Variants in CDH24 observed in about 807,000 individuals in gnomAD.
The protein encoded by CDH24 is cadherin 24.
In CDH24, 61 loss-of-function variants were observed where a neutral mutation model predicts 71.2. That is an observed-to-expected ratio of 0.86 (90% CI 0.70 to 1.06). The LOEUF is 1.06. CDH24 is among the 50% of genes least tolerant of loss of function. The pLI is 0.00. For missense variants in CDH24, 961 were observed against 1,083.7 expected (o/e 0.89, Z 1.59); for synonymous variants, 440 against 470.2 (o/e 0.94, Z 0.83).
Position 23,052,556 on chromosome 14 carries a change from T to A in CDH24, c.1280A>T (p.Glu427Val). The change falls in exon 8 of 13, where the codon GAG becomes GTG. Residue 427 changes from glutamate to valine, a missense_variant. By Grantham distance (121) the Glu-to-Val change is moderately radical. Around this residue, in one of 2 missense-constraint regions of CDH24, gnomAD observed 671 missense variants for 810.9 expected, o/e 0.83. Coordinates refer to ENST00000487137, the MANE Select transcript of CDH24 (RefSeq NM_144985.4). ...DPERCFSIQP[E>V]EGTIHTAAPL... ...TGCTGCTGTATGGATGGTGCCTTCC[T>A]CGGGCTGGATAGAGAAGCAACGCTC... The A allele has an allele frequency of 6.2e-7, 1 of 1,614,002 alleles. No individual in the cohort carries two copies. The highest frequency in any genetic ancestry group is 8.5e-7 in the Non-Finnish European group (1 of 1,179,972).
rs376464327 is a variant in CDH24, at chr14:23,054,094, G to T, written c.972+47C>A. On this transcript the variant is annotated intron_variant, in intron 6 of 12. Coordinates refer to ENST00000487137, the MANE Select transcript of CDH24 (RefSeq NM_144985.4). The surrounding 1 kb of genome is among the most constrained non-coding windows in gnomAD (Gnocchi z 5.2). ...CAGTTAAATATGTGCCCTGTGGGTC[G>T]GCAGGAGGCAGGTCTAAGAGAAAGC... is the stretch of plus-strand genomic sequence containing the variant. The T allele has an allele frequency of 6.6e-7, 1 of 1,519,146 alleles. No individual in the cohort carries two copies. Among genetic ancestry groups the T allele is most frequent in the Non-Finnish European group, 8.9e-7 (1 of 1,128,154 alleles). 94.1% of individuals were successfully genotyped at this position (1,519,146 alleles called of 1,614,324 possible).
rs1468140314 is a variant in CDH24 at position 23,055,063 on chromosome 14, A to G, written c.492T>C (p.Asn164=). Reference sequence around the variant, plus strand: ...ATTCAGAGCTGGGGTGCTCACCGACATTGGACATCTCGGGCACGGTGGCAT... The same window carrying G: ...ATTCAGAGCTGGGGTGCTCACCGACGTTGGACATCTCGGGCACGGTGGCAT... ...PYHATVPEMS[N]VGTSVIQVTA... The change falls in exon 3 of 13, where the codon AAT becomes AAC. Residue 164 remains asparagine, a synonymous_variant. Transcript: ENST00000487137. The surrounding 1 kb of genome is among the most constrained non-coding windows in gnomAD (Gnocchi z 4.1). 6.2e-7 allele frequency: 1 copy of G among 1,610,160 alleles called. No individual in the cohort carries two copies. The highest frequency in any genetic ancestry group is 1.1e-5 in the South Asian group (1 of 90,982).
Position 23,054,795 on chromosome 14 carries a change from A to T in CDH24, c.568T>A (p.Tyr190Asn), listed in dbSNP as rs1849359551. 1 of 1,614,012 alleles carries T rather than the reference A, an allele frequency of 6.2e-7. No homozygotes were observed. Among genetic ancestry groups the T allele is most frequent in the African/African-American group, 1.3e-5 (1 of 74,932 alleles). Residue 190 changes from tyrosine to asparagine, a missense_variant, in exon 4 of 13, where the codon TAC becomes AAC. By Grantham distance (143) the Tyr-to-Asn change is moderately radical. Around this residue, in one of 2 missense-constraint regions of CDH24, gnomAD observed 671 missense variants for 810.9 expected, o/e 0.83. Transcript: ENST00000487137. This position sits in a 1 kb window ranked among gnomAD's most constrained non-coding sequence, Gnocchi z 5.2. Reference protein sequence around the residue: ...PSYGNSAKLVYTVLDGLPFFS... With the variant: ...PSYGNSAKLVNTVLDGLPFFS... Reference sequence around the variant, plus strand: ...AAAGGCAGTCCATCCAGAACAGTGTACACCAGCTTGGCACTGTTCCCATAG... The same window carrying T: ...AAAGGCAGTCCATCCAGAACAGTGTTCACCAGCTTGGCACTGTTCCCATAG...
chr14:23,048,357 T>TGTCCTCCTCGCCGCCGCCCTCGTC lies in CDH24; in HGVS notation c.1945_1968dup (p.Asp649_Asp656dup). 1 of 1,611,952 alleles carries TGTCCTCCTCGCCGCCGCCCTCGTC rather than the reference T, an allele frequency of 6.2e-7. No homozygotes were observed. Among genetic ancestry groups the TGTCCTCCTCGCCGCCGCCCTCGTC allele is most frequent in the East Asian group, 2.2e-5 (1 of 44,838 alleles). On this transcript the variant is annotated inframe_insertion, in exon 12 of 13. Coordinates refer to ENST00000487137, the MANE Select transcript of CDH24 (RefSeq NM_144985.4). The stretch of plus-strand genomic sequence containing the variant: ...AAGGCCGTGATGTCGAAGGCCTCGG[T>TGTCCTCCTCGCCGCCGCCCTCGTC]GTCCTCCTCGCCGCCGCCCTCGTCG...
chr14:23,055,254 T>C lies in CDH24; in HGVS notation c.301A>G (p.Ile101Val). Reference sequence around the variant, plus strand: ...CGGTCAAGGCTCTTGGTAACATGAATATTGCCTGTGGCCTCATCAATCACA... The same window carrying C: ...CGGTCAAGGCTCTTGGTAACATGAACATTGCCTGTGGCCTCATCAATCACA... ...VFVIDEATGN[I>V]HVTKSLDREE... is the part of the protein sequence containing the mutation. Residue 101 changes from isoleucine to valine, a missense_variant, in exon 3 of 13, where the codon ATT becomes GTT. Physicochemically the swap from Ile to Val is conservative, Grantham distance 29. Coordinates refer to ENST00000487137, the MANE Select transcript of CDH24 (RefSeq NM_144985.4). The surrounding 1 kb of genome is among the most constrained non-coding windows in gnomAD (Gnocchi z 4.1). 1.2e-6 allele frequency: 2 copies of C among 1,614,130 alleles called. No homozygotes were observed. The highest frequency in any genetic ancestry group is 1.6e-4 in the Middle Eastern group (1 of 6,062).
At chr14:23,048,601 CA>C (rs2047061319) in intron 11 of CDH24, 122 bp from the exon 12 acceptor site, 2 of 947,324 alleles carry the variant, frequency 2.1e-6, no homozygotes, top group South Asian at 1.5e-5. Flanking sequence ...TGACATCTAG[CA>C]AACCTTGCAT....
In CDH24 at chr14:23,048,235, G is replaced by A. The variant is rs1054186520; in HGVS notation, c.2091C>T (p.Pro697=). The A allele has an allele frequency of 3.0e-6, 4 of 1,321,794 alleles. No homozygotes were observed. Among genetic ancestry groups the A allele is most frequent in the Non-Finnish European group, 2.9e-6 (3 of 1,038,148 alleles). 81.9% of individuals were successfully genotyped at this position (1,321,794 alleles called of 1,614,324 possible). Residue 697 remains proline, a synonymous_variant, in exon 12 of 13, where the codon CCC becomes CCT. Coordinates refer to ENST00000487137, the MANE Select transcript of CDH24 (RefSeq NM_144985.4). ...RARVSRQPRP[P]GPADVAQLLA... is the part of the protein sequence containing the mutation. ...GGAGCTGCGCCACGTCGGCGGGGCCGGGGGGTCTGGGCTGGCGCGACACCC... is the reference window on the plus strand; with the variant it reads ...GGAGCTGCGCCACGTCGGCGGGGCCAGGGGGTCTGGGCTGGCGCGACACCC...
intron 8 of CDH24, 167 bp downstream of exon 8, chr14:23,052,306 C>A: frequency 1.2e-6 from 1 of 831,086 alleles, no homozygotes; most frequent in Non-Finnish European, 2.0e-6. Context: ...GGACCCAGAT[C>A]CAGGCTAGGA....
rs2047123026 is a variant in CDH24, at chr14:23,055,624, G to A, written c.110C>T (p.Pro37Leu). Residue 37 changes from proline to leucine, a missense_variant, in exon 2 of 13, where the codon CCT becomes CTT. Around this residue, in one of 2 missense-constraint regions of CDH24, gnomAD observed 671 missense variants for 810.9 expected, o/e 0.83. Transcript: ENST00000487137. This position sits in a 1 kb window ranked among gnomAD's most constrained non-coding sequence, Gnocchi z 4.1. Reference sequence around the variant, plus strand: ...GCTCCTTCGAGTCCGCAGCAGAGCAGGCCCTGGGTGTTCCCGGGACCCTGC... The same window carrying A: ...GCTCCTTCGAGTCCGCAGCAGAGCAAGCCCTGGGTGTTCCCGGGACCCTGC... Reference protein sequence around the residue: ...AWAGSREHPGPALLRTRRSWV... With the variant: ...AWAGSREHPGLALLRTRRSWV... 1 of 1,613,534 alleles carries A rather than the reference G, an allele frequency of 6.2e-7. No homozygotes were observed. Among genetic ancestry groups the A allele is most frequent in the Non-Finnish European group, 8.5e-7 (1 of 1,179,890 alleles).
chr14:23,049,589 A>AG, intron 10 of CDH24, 38 bp downstream of exon 10: 2 of 1,215,376 alleles, frequency 1.6e-6, no homozygotes, highest in Non-Finnish European at 2.3e-6. Context: ...AGAAGGGGAC[A>AG]GAGGCAGGTA....
At chr14:23,052,069 GC>G in intron 8 of CDH24, 1 of 1,560,986 alleles carries the variant, frequency 6.4e-7, no homozygotes, top group Non-Finnish European at 8.7e-7. Flanking sequence ...CCCCTTTCTG[GC>G]CCCCAGCTCC....
chr14:23,053,377 G>A, intron 7 of CDH24, 119 bp downstream of exon 7: 1 of 1,226,554 alleles, frequency 8.2e-7, no homozygotes, highest in Non-Finnish European at 1.1e-6. Context: ...CAGCTGCAGG[G>A]AGGGAGGCTT....
At chr14:23,053,842 C>A in intron 6 of CDH24, 93 bp from the exon 7 acceptor site, 1 of 1,265,946 alleles carries the variant, frequency 7.9e-7, no homozygotes, top group Non-Finnish European at 1.1e-6. Flanking sequence ...TCCTCACATG[C>A]ATGCAGTGCT....
At position 23,052,600 on chromosome 14, in the gene CDH24, G is replaced by A. The variant is rs762827550; in HGVS notation, c.1236C>T (p.Ile412=). The A allele has an allele frequency of 4.3e-5, 70 of 1,613,626 alleles. No homozygotes were observed. In the South Asian group the frequency reaches 6.9e-4, roughly 16 times the overall value. ...DSPASPIRYS[I]LPHSDPERCF... Reference sequence around the variant, plus strand: ...AACGCTCCGGATCTGAGTGGGGGAGGATGGAGTATCTGGGGAAGGGAGAGA... The same window carrying A: ...AACGCTCCGGATCTGAGTGGGGGAGAATGGAGTATCTGGGGAAGGGAGAGA... Residue 412 remains isoleucine (I), a synonymous_variant, in exon 8 of 13, where the codon ATC becomes ATT. Transcript: ENST00000487137.
In CDH24 at chr14:23,054,017, G is replaced by T; in HGVS notation, c.972+124C>A. 1 of 1,083,946 alleles carries T rather than the reference G, an allele frequency of 9.2e-7. No homozygotes were observed. 67.1% of individuals were successfully genotyped at this position (1,083,946 alleles called of 1,614,324 possible). A position where few individuals can be genotyped will look rare whatever the true frequency, so the allele number is the denominator to read the frequency against. ...GGCCTCATCTGAAGGATGAGGAGGT[G>T]ACCATGATCTCTAAGCTCCAACAGA... On this transcript the variant is annotated intron_variant, in intron 6 of 12. Coordinates refer to ENST00000487137, the MANE Select transcript of CDH24 (RefSeq NM_144985.4). This position sits in a 1 kb window ranked among gnomAD's most constrained non-coding sequence, Gnocchi z 5.2.
intron 8 of CDH24, chr14:23,052,142 G>A (rs2047089251): frequency 3.1e-6 from 3 of 982,068 alleles, no homozygotes; most frequent in Non-Finnish European, 4.7e-6. Context: ...GGCTATGTAA[G>A]GTCTAGTTTA....
chr14:23,052,936 C>T (rs1294574038), intron 7 of CDH24, among the ~76,000 whole-genome samples: 2 of 152,180 alleles, frequency 1.3e-5, no homozygotes, highest in East Asian at 3.9e-4. Flanking sequence ...CAGCCCTGCT[C>T]TGCCTTGGGC....
chr14:23,055,977 A>C lies in CDH24; in HGVS notation c.-124-120T>G. ...CACTCCACTGCCCAGAACTCAGACT[A>C]AGACAGAGAGCAGAGAGGCTGATCC... On this transcript the variant is annotated intron_variant, in intron 1 of 12. Transcript: ENST00000487137. This position sits in a 1 kb window ranked among gnomAD's most constrained non-coding sequence, Gnocchi z 4.1. 1 of 497,190 alleles carries C rather than the reference A, an allele frequency of 2.0e-6. No homozygotes were observed. Among genetic ancestry groups the C allele is most frequent in the South Asian group, 3.5e-5 (1 of 28,290 alleles). 30.8% of individuals were successfully genotyped at this position (497,190 alleles called of 1,614,324 possible). A position where few individuals can be genotyped will look rare whatever the true frequency, so the allele number is the denominator to read the frequency against.
At position 23,051,846 on chromosome 14, in the gene CDH24, T is replaced by G; in HGVS notation, c.1363+627A>C. 5.3e-6 allele frequency: 3 copies of G among 562,062 alleles called. No individual in the cohort carries two copies. The highest frequency in any genetic ancestry group is 9.4e-6 in the Non-Finnish European group (3 of 320,138). 34.8% of individuals were successfully genotyped at this position (562,062 alleles called of 1,614,324 possible). On this transcript the variant is annotated intron_variant, in intron 8 of 12. Coordinates refer to ENST00000487137, the MANE Select transcript of CDH24 (RefSeq NM_144985.4). This position sits in a 1 kb window ranked among gnomAD's most constrained non-coding sequence, Gnocchi z 4.4. ...TATTCACAGAAGATCGGGAGGGAGG[T>G]CTCCCTGTCTGTATGGGCTAGGGCT...
Sources: allele counts gnomAD v4.1 joint callset (sites outside exome capture counted in the v4.1 genomes callset), GRCh38; gene constraint gnomAD v4.1.1; regional missense constraint gnomAD v4.1.1; non-coding constraint Gnocchi (gnomAD v3.1); transcripts MANE v1.5; gene names NCBI Gene and HGNC (gene_info 2026-07-23, HGNC 2026-07-21).